SLC5A1: variants seen among roughly 807,000 people sequenced by gnomAD.
SLC5A1 encodes solute carrier family 5 member 1, also known as sodium/glucose cotransporter 1.
Under a neutral mutation model 73.5 loss-of-function variants are expected in SLC5A1, and 42 were observed. That is an observed-to-expected ratio of 0.57 (90% CI 0.45 to 0.74). SLC5A1 has a LOEUF of 0.74. Among genes scored for constraint, SLC5A1 ranks in the 30% least tolerant of loss-of-function variants. The pLI is 0.00. For synonymous variants in SLC5A1, 300 were observed against 317.4 expected, an observed-to-expected ratio of 0.95 and a Z score of 0.58; for missense variants, 634 against 855.4, an observed-to-expected ratio of 0.74 and a Z score of 3.23.
chr22:32,060,126 CACACATATAT>C, intron 2 of SLC5A1, among the ~76,000 whole-genome samples: 1 of 49,910 alleles, frequency 2.0e-5, no homozygotes, highest in South Asian at 7.0e-4. Context: ...TATATACATA[CACACATATAT>C]ATACACATAC....
chr22:32,081,094 G>A (rs1304148890), intron 5 of SLC5A1, among the ~76,000 whole-genome samples: 2 of 152,120 alleles, frequency 1.3e-5, no homozygotes, highest in African/African-American at 2.4e-5. Flanking sequence ...GGGTGACCCT[G>A]GTGCTCTCTG....
At chr22:32,056,022 TTTG>T (rs1284518619) in intron 2 of SLC5A1, among the ~76,000 whole-genome samples, 6 of 152,114 alleles carry the variant, frequency 3.9e-5, no homozygotes, top group Non-Finnish European at 5.9e-5. Flanking sequence ...GCGTATGTTT[TTTG>T]TTGTTGTTGT....
At chr22:32,076,144 G>T (rs5998230) in intron 5 of SLC5A1, among the ~76,000 whole-genome samples, 165 of 152,296 alleles carry the variant, frequency 1.1e-3, no homozygotes, top group African/African-American at 3.7e-3. Flanking sequence ...GATCCAGTGG[G>T]GTTGTAATTA....
At chr22:32,045,058 A>C (rs1413536343) in intron 1 of SLC5A1, among the ~76,000 whole-genome samples, 1 of 152,162 alleles carries the variant, frequency 6.6e-6, no homozygotes, top group Non-Finnish European at 1.5e-5. Context: ...AATAGATGAA[A>C]TTGTTCCTGG....
Position 32,049,229 on chromosome 22 carries a change from A to ATC in SLC5A1, c.136-713_136-712insCT, listed in dbSNP as rs1202243704. On this transcript the variant is annotated intron_variant, in intron 1 of 14. Transcript: ENST00000266088. ...TATCTATATCTATATCTATATCTAT[A>ATC]TATATGATGATTCCAGCAACCTGCT... is the stretch of plus-strand genomic sequence containing the variant. Among the ~76,000 whole-genome samples, 1,021 of 114,578 alleles carry ATC rather than the reference A, an allele frequency of 8.9e-3. 13 individuals carry two copies. Among genetic ancestry groups the ATC allele is most frequent in the Non-Finnish European group, 0.014 (702 of 50,016 alleles). 75.2% of individuals were successfully genotyped at this position (114,578 alleles called of 152,430 possible). A position where few individuals can be genotyped will look rare whatever the true frequency, so the allele number is the denominator to read the frequency against.
chr22:32,051,903 A>C (rs1236405123), intron 2 of SLC5A1, among the ~76,000 whole-genome samples: 1 of 152,224 alleles, frequency 6.6e-6, no homozygotes, highest in Non-Finnish European at 1.5e-5. Context: ...ATTTGCAAAA[A>C]TAGGTGGAGG....
Position 32,075,717 on chromosome 22 carries a change from A to T in SLC5A1, c.478-6149A>T, listed in dbSNP as rs538895407. On this transcript the variant is annotated intron_variant, in intron 5 of 14. Coordinates refer to ENST00000266088, the MANE Select transcript of SLC5A1 (RefSeq NM_000343.4). ...ACTATGGGGAGAGAACATCAGCTGCACACTGGGTATATGAAGGATCTGAAG... is the reference window on the plus strand; with the variant it reads ...ACTATGGGGAGAGAACATCAGCTGCTCACTGGGTATATGAAGGATCTGAAG... Among the ~76,000 whole-genome samples, 6 of 152,086 alleles carry T rather than the reference A, an allele frequency of 3.9e-5. No individual in the cohort carries two copies. The South Asian group carries it at 1.2e-3, about 32-fold the overall frequency.
At chr22:32,093,653 T>A (rs2094021810) in intron 11 of SLC5A1, among the ~76,000 whole-genome samples, 1 of 152,120 alleles carries the variant, frequency 6.6e-6, no homozygotes, top group Non-Finnish European at 1.5e-5. Context: ...TTGGTCACTG[T>A]TGATGTAGCA....
At chr22:32,105,035 T>C in intron 14 of SLC5A1, 144 bp downstream of exon 14, 1 of 704,824 alleles carries the variant, frequency 1.4e-6, no homozygotes, top group South Asian at 1.5e-5. Flanking sequence ...GGGGATGAGA[T>C]GGATAAGTGG....
chr22:32,058,071 T>C (rs914516947), intron 2 of SLC5A1, among the ~76,000 whole-genome samples: 3 of 152,222 alleles, frequency 2.0e-5, no homozygotes, highest in Non-Finnish European at 1.5e-5. Flanking sequence ...AAGATAATCA[T>C]TGTTAAATTT....
rs562330033 is a variant in SLC5A1 at position 32,102,271 on chromosome 22, C to T, written c.1665+34C>T. ...CCATTTAGGGGATCTGTCCTTGTTTCATGTTCACACTGCAATGTTCTTTAA... is the reference window on the plus strand; with the variant it reads ...CCATTTAGGGGATCTGTCCTTGTTTTATGTTCACACTGCAATGTTCTTTAA... On this transcript the variant is annotated intron_variant, in intron 13 of 14. Transcript: ENST00000266088. 5.5e-6 allele frequency: 8 copies of T among 1,455,172 alleles called. No homozygotes were observed. In the South Asian group the frequency reaches 8.0e-5, roughly 15 times the overall value. The allele number at this position is 1,455,172 out of a possible 1,614,324, so 90.1% of individuals were successfully genotyped here. A position where few individuals can be genotyped will look rare whatever the true frequency, so the allele number is the denominator to read the frequency against.
At chr22:32,098,326 T>G (rs2149496211) in intron 11 of SLC5A1, among the ~76,000 whole-genome samples, 1 of 152,340 alleles carries the variant, frequency 6.6e-6, no homozygotes, top group East Asian at 1.9e-4. Context: ...GTCACTGGTG[T>G]GTATGTCATG....
Position 32,050,934 on chromosome 22 carries a change from G to T in SLC5A1, c.207+920G>T, listed in dbSNP as rs77319954. 4.5e-3 allele frequency among the ~76,000 whole-genome samples: 684 copies of T among 152,316 alleles called. 5 individuals carry two copies. Among genetic ancestry groups the T allele is most frequent in the Non-Finnish European group, 5.0e-3 (341 of 68,026 alleles). Reference sequence around the variant, plus strand: ...TGGTGGCCCAGGATTCCCTTTTTATGTGGCACCAGGGTTTGCCACGTTTCA... The same window carrying T: ...TGGTGGCCCAGGATTCCCTTTTTATTTGGCACCAGGGTTTGCCACGTTTCA... On this transcript the variant is annotated intron_variant, in intron 2 of 14. Transcript: ENST00000266088.
intron 5 of SLC5A1, among the ~76,000 whole-genome samples, chr22:32,078,361 A>G (rs755800968): frequency 2.6e-5 from 4 of 152,004 alleles, no homozygotes; most frequent in Non-Finnish European, 4.4e-5. Flanking sequence ...TCTGCCTCCC[A>G]GGTTCAAGCA....
At chr22:32,074,863 C>T (rs77312284) in intron 5 of SLC5A1, among the ~76,000 whole-genome samples, 2,764 of 152,154 alleles carry the variant, frequency 0.018, 45 homozygotes, top group Non-Finnish European at 0.024. Flanking sequence ...CTCCAGTTCT[C>T]AGAAGAGTAC....
chr22:32,090,109 A>C (rs551284338), intron 10 of SLC5A1, among the ~76,000 whole-genome samples: 13 of 152,056 alleles, frequency 8.5e-5, no homozygotes, highest in Middle Eastern at 3.4e-3. Context: ...TCAAAAAAAA[A>C]AAAAAAAACA....
Position 32,110,181 on chromosome 22 carries a change from G to A in SLC5A1, c.1963G>A (p.Val655Met), listed in dbSNP as rs144006333. The A allele has an allele frequency of 1.4e-5, 22 of 1,613,916 alleles. No homozygotes were observed. Among genetic ancestry groups the A allele is most frequent in the Non-Finnish European group, 1.9e-5 (22 of 1,179,954 alleles). Residue 655 changes from valine to methionine, a missense_variant, in exon 15 of 15, where the codon GTG (valine) becomes ATG (methionine). Val to Met is a conservative substitution (Grantham distance 21). Transcript: ENST00000266088. The stretch of plus-strand genomic sequence containing the variant: ...CGTCAATGGCATCATCCTGGTGACC[G>A]TGGCTGTCTTTTGCCATGCATATTT... ...LNVNGIILVT[V>M]AVFCHAYFA
chr22:32,110,511 G>A lies in SLC5A1; in HGVS notation c.*298G>A. ...AGAAGCCATGTGATTGATGTCTGAC[G>A]TGAGTCTGTCTCAGGTAGATTCCGG... On this transcript the variant is annotated 3_prime_UTR_variant, in exon 15 of 15. Transcript: ENST00000266088. 2.2e-6 allele frequency: 1 copy of A among 462,568 alleles called. No individual in the cohort carries two copies. The highest frequency in any genetic ancestry group is 4.0e-6 in the Non-Finnish European group (1 of 250,264). 28.7% of individuals were successfully genotyped at this position (462,568 alleles called of 1,614,324 possible).
chr22:32,091,467 A>T, intron 10 of SLC5A1, 145 bp from the exon 11 acceptor site: 2 of 917,384 alleles, frequency 2.2e-6, no homozygotes, highest in Non-Finnish European at 3.4e-6. Flanking sequence ...ACTACTTCTT[A>T]AAGCTTCTAG....
Sources: allele counts gnomAD v4.1 joint callset (sites outside exome capture counted in the v4.1 genomes callset), GRCh38; gene constraint gnomAD v4.1.1; transcripts MANE v1.5; gene names NCBI Gene and HGNC (gene_info 2026-07-23, HGNC 2026-07-21).